GREB1: variants seen among roughly 807,000 people sequenced by gnomAD.
The protein encoded by GREB1 is growth regulating estrogen receptor binding 1.
In GREB1, 106 loss-of-function variants were observed where a neutral mutation model predicts 200.7. The observed-to-expected ratio is 0.53, with a 90% CI of 0.45 to 0.62. The LOEUF (loss-of-function observed/expected upper bound fraction) is 0.62. Among genes scored for constraint, GREB1 ranks in the 20% least tolerant of loss-of-function variants. The pLI is 0.00. For synonymous variants in GREB1, 1,132 were observed against 1,092.4 expected, an observed-to-expected ratio of 1.04 and a Z score of -0.72; for missense variants, 2,243 against 2,556.8, an observed-to-expected ratio of 0.88 and a Z score of 2.65.
intron 4 of GREB1, among the ~76,000 whole-genome samples, chr2:11,574,406 A>G (rs1048014104): frequency 3.3e-5 from 5 of 152,310 alleles, no homozygotes; most frequent in Non-Finnish European, 5.9e-5. Context: ...GGCTCTTGGG[A>G]ATAGGCGTCG....
intron 22 of GREB1, among the ~76,000 whole-genome samples, chr2:11,620,124 A>G (rs1683881081): frequency 1.3e-5 from 2 of 152,086 alleles, no homozygotes; most frequent in Non-Finnish European, 2.9e-5. Flanking sequence ...CTACAGGCAG[A>G]TGCTACCATG....
rs1368678844 is a variant in GREB1, at chr2:11,638,695, A to G, written c.5572A>G (p.Arg1858Gly). The change falls in exon 32 of 33, where the codon AGG becomes GGG. Residue 1858 changes from arginine (R) to glycine (G), a missense_variant. Around this residue, in one of 3 missense-constraint regions of GREB1, gnomAD observed 478 missense variants for 616.3 expected, o/e 0.78. Transcript: ENST00000381486. ...GATTTCTGTTTGCTATGTGAGCTCCAGGCCCCACTCTTTAAACATCAGCTG... is the reference window on the plus strand; with the variant it reads ...GATTTCTGTTTGCTATGTGAGCTCCGGGCCCCACTCTTTAAACATCAGCTG... ...SQISVCYVSS[R>G]PHSLNISCSD... is the part of the protein sequence containing the mutation. 1 of 1,613,858 alleles carries G rather than the reference A, an allele frequency of 6.2e-7. No homozygotes were observed. Among genetic ancestry groups the G allele is most frequent in the Non-Finnish European group, 8.5e-7 (1 of 1,179,926 alleles).
intron 24 of GREB1, among the ~76,000 whole-genome samples, chr2:11,626,184 A>G (rs1309817359): frequency 6.6e-6 from 1 of 152,002 alleles, no homozygotes; most frequent in African/African-American, 2.4e-5. Context: ...CAAACCAACA[A>G]CTTTATTGTC....
intron 1 of GREB1, among the ~76,000 whole-genome samples, chr2:11,484,532 T>G (rs952848385): frequency 1.4e-5 from 2 of 146,984 alleles, no homozygotes; most frequent in Non-Finnish European, 3.0e-5. Flanking sequence ...GAGGACTGCT[T>G]GAGGCCAAGA....
chr2:11,494,860 T>A (rs927500990), intron 1 of GREB1, among the ~76,000 whole-genome samples: 2 of 152,208 alleles, frequency 1.3e-5, no homozygotes, highest in African/African-American at 4.8e-5. Context: ...GCCTCATACA[T>A]GAAAAGAGCC....
intron 23 of GREB1, among the ~76,000 whole-genome samples, chr2:11,624,839 C>T (rs927046379): frequency 6.6e-5 from 10 of 151,874 alleles, no homozygotes; most frequent in African/African-American, 2.2e-4. Flanking sequence ...TTAAGCTCAA[C>T]AGCTATCATT....
intron 4 of GREB1, among the ~76,000 whole-genome samples, chr2:11,569,466 A>G (rs1312931709): frequency 6.6e-6 from 1 of 152,168 alleles, no homozygotes; most frequent in Non-Finnish European, 1.5e-5. Flanking sequence ...TCGGAGGAGC[A>G]CACCGGCTCC....
intron 4 of GREB1, 115 bp downstream of exon 4, chr2:11,566,771 G>A (rs1347938688): frequency 1.2e-5 from 10 of 840,032 alleles, no homozygotes; most frequent in East Asian, 5.1e-5. Context: ...GACCCCAGGC[G>A]CAGCATGCAG....
At chr2:11,530,886 A>C (rs1264029488), upstream of GREB1, among the ~76,000 whole-genome samples, 1 of 152,182 alleles carries the variant, frequency 6.6e-6, no homozygotes, top group African/African-American at 2.4e-5. Context: ...GTGTGGGGGA[A>C]ATAGGATCTG....
At chr2:11,518,484 T>G (rs916174441) in intron 1 of GREB1, among the ~76,000 whole-genome samples, 9 of 151,640 alleles carry the variant, frequency 5.9e-5, no homozygotes, top group Non-Finnish European at 1.2e-4. Context: ...AGAATGCAGC[T>G]TTATCTGTGC....
intron 6 of GREB1, among the ~76,000 whole-genome samples, chr2:11,579,855 C>T (rs553773204): frequency 2.0e-5 from 3 of 152,318 alleles, no homozygotes; most frequent in Non-Finnish European, 2.9e-5. Flanking sequence ...GAACAGCCTG[C>T]GCCCAGGTAG....
intron 1 of GREB1, among the ~76,000 whole-genome samples, chr2:11,545,364 T>A (rs1469277936): frequency 6.6e-6 from 1 of 151,864 alleles, no homozygotes; most frequent in African/African-American, 2.4e-5. Flanking sequence ...ATCTCCTGAC[T>A]CAGGTGATCC....
At chr2:11,495,830 C>T (rs1672869881) in intron 1 of GREB1, among the ~76,000 whole-genome samples, 4 of 129,494 alleles carry the variant, frequency 3.1e-5, no homozygotes, top group African/African-American at 9.1e-5. Context: ...ACGGGATTTT[C>T]GGTGTTGCAG....
chr2:11,585,229 C>G lies in GREB1; in HGVS notation c.970C>G (p.Pro324Ala). ...KGWSPESPSA[P>A]DGGCPQGGGN... ...GTGGTCTCCAGAATCTCCATCAGCTCCAGATGGTGGCTGCCCCCAAGGTGG... is the reference window on the plus strand; with the variant it reads ...GTGGTCTCCAGAATCTCCATCAGCTGCAGATGGTGGCTGCCCCCAAGGTGG... Residue 324 changes from proline (P) to alanine (A), a missense_variant, in exon 8 of 33, where the codon CCA becomes GCA. Pro to Ala is a conservative substitution (Grantham distance 27). Around this residue, in one of 3 missense-constraint regions of GREB1, gnomAD observed 1,178 missense variants for 1,387.4 expected, o/e 0.85. Coordinates refer to ENST00000381486, the MANE Select transcript of GREB1 (RefSeq NM_014668.4). 2 of 1,578,246 alleles carry G rather than the reference C, an allele frequency of 1.3e-6. No individual in the cohort carries two copies. Among genetic ancestry groups the G allele is most frequent in the Non-Finnish European group, 1.7e-6 (2 of 1,164,738 alleles).
At chr2:11,623,257 A>G (rs190250910) in intron 23 of GREB1, among the ~76,000 whole-genome samples, 134 of 152,348 alleles carry the variant, frequency 8.8e-4, no homozygotes, top group Non-Finnish European at 1.5e-3. Context: ...TGCCAGTACT[A>G]TCAACAGTCT....
intron 10 of GREB1, chr2:11,592,047 C>A (rs997380781): frequency 8.1e-5 from 79 of 977,224 alleles, no homozygotes; most frequent in Non-Finnish European, 8.9e-5. Context: ...GCTGAATGTT[C>A]TACACATTTA....
intron 4 of GREB1, among the ~76,000 whole-genome samples, chr2:11,573,587 C>A (rs1678535071): frequency 6.6e-6 from 1 of 152,180 alleles, no homozygotes; most frequent in Non-Finnish European, 1.5e-5. Flanking sequence ...TCTCCCAGGG[C>A]CGGTTGGGAA....
chr2:11,552,657 C>T (rs1438331704), intron 1 of GREB1, among the ~76,000 whole-genome samples: 1 of 152,174 alleles, frequency 6.6e-6, no homozygotes, highest in Non-Finnish European at 1.5e-5. Flanking sequence ...AGATAGAGCA[C>T]TGCCATGGTA....
chr2:11,564,508 A>G (rs963031978), intron 3 of GREB1, among the ~76,000 whole-genome samples: 1 of 152,192 alleles, frequency 6.6e-6, no homozygotes, highest in Admixed American at 6.5e-5. Flanking sequence ...GCAAGACCCT[A>G]TCTCTTAAAA....
Sources: allele counts gnomAD v4.1 joint callset (sites outside exome capture counted in the v4.1 genomes callset), GRCh38; gene constraint gnomAD v4.1.1; regional missense constraint gnomAD v4.1.1; transcripts MANE v1.5; gene names NCBI Gene and HGNC (gene_info 2026-07-23, HGNC 2026-07-21).